Variants in JAK1 observed in about 807,000 individuals in gnomAD.
JAK1 encodes the protein Janus kinase 1.
A neutral mutation model predicts 136.6 loss-of-function variants in JAK1; 16 were observed. The ratio of observed to expected loss-of-function variants is 0.12; its 90% CI spans 0.08 to 0.18. The LOEUF (loss-of-function observed/expected upper bound fraction) is 0.18. JAK1 is among the 10% of genes least tolerant of loss of function. The pLI, the probability that JAK1 is intolerant of heterozygous loss-of-function variation, is 1.00. For synonymous variants in JAK1, 492 were observed against 519.5 expected (o/e 0.95, Z 0.72); for missense variants, 859 against 1,450.1 (o/e 0.59, Z 6.62).
intron 14 of JAK1, among the ~76,000 whole-genome samples, chr1:64,846,395 G>T (rs1162301042): frequency 6.8e-6 from 1 of 146,482 alleles, no homozygotes; most frequent in Non-Finnish European, 1.5e-5. Context: ...AGCCTCCCAG[G>T]TCTAGCACAG....
At chr1:64,970,269 G>A (rs766212482), upstream of JAK1, among the ~76,000 whole-genome samples, 5 of 149,570 alleles carry the variant, frequency 3.3e-5, no homozygotes, top group Non-Finnish European at 5.9e-5. Flanking sequence ...GTGAAACCCC[G>A]TCTCTACTAA....
chr1:64,975,552 C>G (rs1346294710), intron 2 of JAK1, among the ~76,000 whole-genome samples: 6 of 152,318 alleles, frequency 3.9e-5, no homozygotes, highest in East Asian at 3.9e-4. Context: ...CAAACTATGG[C>G]CAGTTCTCAG....
chr1:64,968,377 G>C (rs947871437), upstream of JAK1, among the ~76,000 whole-genome samples: 2 of 152,140 alleles, frequency 1.3e-5, no homozygotes, highest in Non-Finnish European at 2.9e-5. Context: ...AGTGATTCCC[G>C]GTCCTGTAAT....
intron 2 of JAK1, among the ~76,000 whole-genome samples, chr1:65,002,963 C>G (rs1458799755): frequency 1.3e-5 from 2 of 150,924 alleles, no homozygotes; most frequent in Non-Finnish European, 2.9e-5. Context: ...CAGCGGGAAC[C>G]GGGCTGTCCG....
chr1:64,988,477 C>T (rs1409009602), intron 2 of JAK1, among the ~76,000 whole-genome samples: 3 of 151,926 alleles, frequency 2.0e-5, no homozygotes, highest in South Asian at 4.2e-4. Flanking sequence ...AAGCTCCTGT[C>T]CCCCCCATAG....
At position 64,838,512 on chromosome 1, in the gene JAK1, T is replaced by G; in HGVS notation, c.2920A>C (p.Lys974Gln). The G allele has an allele frequency of 6.2e-7, 1 of 1,614,104 alleles. No homozygotes were observed. Among genetic ancestry groups the G allele is most frequent in the Non-Finnish European group, 8.5e-7 (1 of 1,179,920 alleles). ...LKEYLPKNKN[K>Q]INLKQQLKYA... ...TTTAGCTGCTGTTTGAGGTTTATTT[T>G]GTTCTTATTCTTTGGAAGATATTCC... Residue 974 changes from lysine (K) to glutamine (Q), a missense_variant, in exon 21 of 25, where the codon AAA becomes CAA. Around this residue, in one of 4 missense-constraint regions of JAK1, gnomAD observed 409 missense variants for 753.8 expected, o/e 0.54. Coordinates refer to ENST00000342505, the MANE Select transcript of JAK1 (RefSeq NM_002227.4).
At chr1:64,975,016 T>C (rs1646486069) in intron 2 of JAK1, among the ~76,000 whole-genome samples, 1 of 151,962 alleles carries the variant, frequency 6.6e-6, no homozygotes, top group South Asian at 2.1e-4. Flanking sequence ...TTCAAGCAAT[T>C]CTCCTGCCTC....
chr1:64,903,849 T>C (rs1645150172), intron 1 of JAK1, among the ~76,000 whole-genome samples: 1 of 152,226 alleles, frequency 6.6e-6, no homozygotes, highest in Non-Finnish European at 1.5e-5. Flanking sequence ...TCAGAAATAA[T>C]GTCCAATCTA....
chr1:64,874,303 T>C (rs1657259144), intron 4 of JAK1, among the ~76,000 whole-genome samples: 2 of 152,014 alleles, frequency 1.3e-5, no homozygotes, highest in South Asian at 4.2e-4. Context: ...TCAATAAGTA[T>C]ATTGAAAATT....
intron 7 of JAK1, among the ~76,000 whole-genome samples, chr1:64,865,519 G>A (rs1656642631): frequency 6.6e-6 from 1 of 152,244 alleles, no homozygotes; most frequent in Non-Finnish European, 1.5e-5. Context: ...ATGAGCCCTG[G>A]AGACCAGAGA....
rs1258943321 is a variant in JAK1 at position 64,879,158 on chromosome 1, A to G, written c.206-10T>C. ...CAAAGAGGAGAGATACCTGAGGAAAAGTAAAAAAACACATCAGAAAATCAA... is the reference window on the plus strand; with the variant it reads ...CAAAGAGGAGAGATACCTGAGGAAAGGTAAAAAAACACATCAGAAAATCAA... On this transcript the variant is annotated splice_polypyrimidine_tract_variant and intron_variant, in intron 3 of 24. Transcript: ENST00000342505. 1.2e-6 allele frequency: 2 copies of G among 1,613,678 alleles called. No homozygotes were observed. Among genetic ancestry groups the G allele is most frequent in the South Asian group, 2.2e-5 (2 of 91,028 alleles).
rs17127009 is a variant in JAK1 at position 64,833,380 on chromosome 1, T to G, written c.*1182A>C. On this transcript the variant is annotated 3_prime_UTR_variant, in exon 25 of 25. Transcript: ENST00000342505. ...CACTGAACCAATCCTGAATTTGGGC[T>G]CAACAGGTGAAAAGTAACAATATCA... 6.4e-3 allele frequency: 1,489 copies of G among 232,884 alleles called. 24 individuals are homozygous for G. Among genetic ancestry groups the G allele is most frequent in the African/African-American group, 0.031 (1,407 of 45,380 alleles). The allele number at this position is 232,884 out of a possible 1,614,324, so 14.4% of individuals were successfully genotyped here.
chr1:65,003,436 G>C (rs541982800), intron 2 of JAK1: 3 of 152,266 alleles, frequency 2.0e-5, no homozygotes, highest in Non-Finnish European at 2.9e-5. Context: ...TTTTAAAGGA[G>C]GAAGGGGAAT....
chr1:64,987,599 C>T (rs540956925), intron 2 of JAK1: 1 of 152,322 alleles, frequency 6.6e-6, no homozygotes, highest in Admixed American at 6.5e-5. Context: ...TGACTGCTGA[C>T]AAAGTTGGTA....
chr1:64,985,020 C>T, intron 2 of JAK1: 4 of 859,274 alleles, frequency 4.7e-6, no homozygotes, highest in Non-Finnish European at 8.1e-6. Flanking sequence ...TATCCCATTA[C>T]ACTCATCCTT....
intron 2 of JAK1, among the ~76,000 whole-genome samples, chr1:65,040,984 C>T (rs1647127075): frequency 6.6e-6 from 1 of 152,052 alleles, no homozygotes; most frequent in African/African-American, 2.4e-5. Context: ...TATCATCGCT[C>T]CTGTTGCTAT....
intron 21 of JAK1, 39 bp from the exon 22 acceptor site, chr1:64,838,143 T>C: frequency 1.3e-6 from 2 of 1,560,494 alleles, no homozygotes; most frequent in South Asian, 1.1e-5. Flanking sequence ...ATTGCTAAAG[T>C]CACTTTAGAT....
intron 2 of JAK1, among the ~76,000 whole-genome samples, chr1:65,018,805 C>T (rs1355249460): frequency 6.6e-6 from 1 of 151,908 alleles, no homozygotes; most frequent in Admixed American, 6.6e-5. Flanking sequence ...GGTCAGGAGA[C>T]CGAGACCATC....
intron 1 of JAK1, among the ~76,000 whole-genome samples, chr1:64,902,583 A>AGAGAGAGAGT: frequency 3.0e-3 from 222 of 73,808 alleles, no homozygotes; most frequent in Middle Eastern, 0.01. Context: ...AGAGAGAGAG[A>AGAGAGAGAGT]GTGTGTGTGT....
Sources: allele counts gnomAD v4.1 joint callset (sites outside exome capture counted in the v4.1 genomes callset), GRCh38; gene constraint gnomAD v4.1.1; regional missense constraint gnomAD v4.1.1; transcripts MANE v1.5; gene names NCBI Gene and HGNC (gene_info 2026-07-23, HGNC 2026-07-21).